Variants in NT5DC3 observed in about 807,000 individuals in gnomAD.
The protein encoded by NT5DC3 is 5'-nucleotidase domain-containing protein 3.
In NT5DC3, 42 loss-of-function variants were observed where a neutral mutation model predicts 67.8. The ratio of observed to expected loss-of-function variants is 0.62; its 90% CI spans 0.48 to 0.80. The LOEUF (loss-of-function observed/expected upper bound fraction) is 0.80, where lower values mean the gene tolerates loss of function less well. NT5DC3 is among the 30% of genes least tolerant of loss of function. The pLI, the probability that NT5DC3 is intolerant of heterozygous loss-of-function variation, is 0.00. For missense variants in NT5DC3, 570 were observed against 696.4 expected (o/e 0.82, Z 2.04); for synonymous variants, 237 against 255.6 (o/e 0.93, Z 0.69).
chr12:103,839,450 T>C (rs1888287746), intron 1 of NT5DC3, among the ~76,000 whole-genome samples: 1 of 152,186 alleles, frequency 6.6e-6, no homozygotes, highest in South Asian at 2.1e-4. Context: ...GGGTTTTCCT[T>C]TGTTGCCCAG....
chr12:103,749,132 C>A, the NT5DC3 span: 1 of 1,606,228 alleles, frequency 6.2e-7, no homozygotes. Flanking sequence ...GTCACGAGCA[C>A]GCCACCTGTA....
chr12:103,749,237 G>A, the NT5DC3 span: 1 of 1,408,904 alleles, frequency 7.1e-7, no homozygotes, highest in Admixed American at 2.5e-5. Flanking sequence ...CCCATACTCT[G>A]CTTATCTCCT....
Position 103,772,974 on chromosome 12 carries a change from A to G in NT5DC3, c.*4855T>C, listed in dbSNP as rs1335840157. The G allele has an allele frequency of 6.6e-6, 1 of 152,266 alleles. No individual in the cohort carries two copies. The highest frequency in any genetic ancestry group is 1.9e-4 in the East Asian group (1 of 5,192). 9.4% of individuals were successfully genotyped at this position (152,266 alleles called of 1,614,324 possible). On this transcript the variant is annotated 3_prime_UTR_variant, in exon 14 of 14. Coordinates refer to ENST00000392876, the MANE Select transcript of NT5DC3 (RefSeq NM_001031701.3). The stretch of plus-strand genomic sequence containing the variant: ...ACTAGCACAATTACAAACTAATGCA[A>G]TGAGAGGTATATTCAACAAGTGTCT...
intron 6 of NT5DC3, among the ~76,000 whole-genome samples, chr12:103,794,535 A>G (rs1205523443): frequency 1.3e-5 from 2 of 152,234 alleles, no homozygotes; most frequent in African/African-American, 4.8e-5. Context: ...AATTTTCAAA[A>G]GAGTGCTTGG....
chr12:103,763,274 T>G, the NT5DC3 span: 1 of 562,912 alleles, frequency 1.8e-6, no homozygotes. Flanking sequence ...ATGTGCCGAT[T>G]TGGTGGTGAT....
chr12:103,766,300 G>A (rs1884959615), downstream of NT5DC3: 1 of 1,614,054 alleles, frequency 6.2e-7, no homozygotes. Context: ...CTGAAGAACG[G>A]CAGCTTGAGG....
At chr12:103,823,833 A>G (rs1446421460) in intron 1 of NT5DC3, among the ~76,000 whole-genome samples, 4 of 152,186 alleles carry the variant, frequency 2.6e-5, no homozygotes, top group Admixed American at 2.0e-4. Context: ...TCAAGGTCCT[A>G]TATCCAAATT....
At chr12:103,840,855 C>T in intron 1 of NT5DC3, 94 bp downstream of exon 1, 2 of 596,096 alleles carry the variant, frequency 3.4e-6, no homozygotes, top group South Asian at 5.8e-5. Context: ...TGGAGGTCCG[C>T]AGCTGGGCTG....
Position 103,836,045 on chromosome 12 carries a change from TA to T in NT5DC3, c.208+4903del, listed in dbSNP as rs1888132443. Among the ~76,000 whole-genome samples, 5 of 152,180 alleles carry T rather than the reference TA, an allele frequency of 3.3e-5. No individual in the cohort carries two copies. In the South Asian group the frequency reaches 1.0e-3, roughly 32 times the overall value. ...TGAGACTTATTCACTATCACGAGAA[TA>T]GCATGGGAAAGACCAGCCCCCATGA... On this transcript the variant is annotated intron_variant, in intron 1 of 13. Transcript: ENST00000392876.
At chr12:103,781,991 C>A (rs114840117) in intron 12 of NT5DC3, among the ~76,000 whole-genome samples, 1 of 152,202 alleles carries the variant, frequency 6.6e-6, no homozygotes, top group South Asian at 2.1e-4. Flanking sequence ...GTCCAGCCAC[C>A]GGCCCATTTT....
the NT5DC3 span, chr12:103,761,226 T>C: frequency 1.4e-6 from 2 of 1,427,512 alleles, no homozygotes; most frequent in Non-Finnish European, 9.8e-7. Context: ...CTTGGGAAAA[T>C]TGAACAACTT....
chr12:103,803,957 C>T (rs1047352785), intron 4 of NT5DC3, among the ~76,000 whole-genome samples: 1 of 151,918 alleles, frequency 6.6e-6, no homozygotes, highest in African/African-American at 2.4e-5. Flanking sequence ...ACTCTGGACC[C>T]AGGCTGCCTG....
At chr12:103,764,701 G>GTGGTAACAGATTTAATATAAATGCAA in the NT5DC3 span, among the ~76,000 whole-genome samples, 1 of 152,182 alleles carries the variant, frequency 6.6e-6, no homozygotes, top group Non-Finnish European at 1.5e-5. Context: ...CTTCATGCCT[G>GTGGTAACAGATTTAATATAAATGCAA]TGGTAACAGA....
At chr12:103,838,734 CAATT>C (rs995866682) in intron 1 of NT5DC3, among the ~76,000 whole-genome samples, 5 of 151,644 alleles carry the variant, frequency 3.3e-5, no homozygotes, top group African/African-American at 1.2e-4. Context: ...GTTAAACAAA[CAATT>C]AAACTGTTTT....
At chr12:103,759,281 G>C in the NT5DC3 span, 3 of 1,613,224 alleles carry the variant, frequency 1.9e-6, no homozygotes, top group South Asian at 2.2e-5. Flanking sequence ...CCGGTACAAA[G>C]TCTTCTGGGC....
chr12:103,778,853 CA>C (rs1427180690), intron 13 of NT5DC3, among the ~76,000 whole-genome samples: 2 of 149,184 alleles, frequency 1.3e-5, no homozygotes, highest in African/African-American at 4.9e-5. Context: ...ATCCATCCAT[CA>C]AAACGACTCT....
At chr12:103,825,576 GAAGCCAGGAGTTC>G (rs1236528179) in intron 1 of NT5DC3, among the ~76,000 whole-genome samples, 1 of 152,220 alleles carries the variant, frequency 6.6e-6, no homozygotes, top group Non-Finnish European at 1.5e-5. Context: ...AGGATGGCTT[GAAGCCAGGAGTTC>G]AAGACCAGCC....
intron 9 of NT5DC3, among the ~76,000 whole-genome samples, chr12:103,790,488 T>C (rs945425138): frequency 1.3e-5 from 2 of 151,868 alleles, no homozygotes; most frequent in Non-Finnish European, 2.9e-5. Flanking sequence ...GTTGAACTCC[T>C]GACCTCAGGT....
rs1012561843 is a variant in NT5DC3, at chr12:103,776,282, G to A, written c.*1547C>T. On this transcript the variant is annotated 3_prime_UTR_variant, in exon 14 of 14. Coordinates refer to ENST00000392876, the MANE Select transcript of NT5DC3 (RefSeq NM_001031701.3). ...AAGAAATGAAAAAAGCAGGCCAGGT[G>A]CGGTGGCTCACACCTGTAATCCCAG... 3.9e-5 allele frequency: 6 copies of A among 152,214 alleles called. No homozygotes were observed. Among genetic ancestry groups the A allele is most frequent in the Admixed American group, 3.9e-4 (6 of 15,282 alleles). The allele number at this position is 152,214 out of a possible 1,614,324, so 9.4% of individuals were successfully genotyped here.
Sources: gnomAD v4.1 joint callset for allele counts (sites outside exome capture counted in the v4.1 genomes callset) on GRCh38, gnomAD v4.1.1 for gene constraint, MANE v1.5 for transcripts, NCBI Gene and HGNC (gene_info 2026-07-23, HGNC 2026-07-21) for gene names.